Variants in RNF180 observed in about 807,000 individuals in gnomAD.
RNF180 encodes the protein E3 ubiquitin-protein ligase RNF180.
In RNF180, 38 loss-of-function variants were observed where a neutral mutation model predicts 59.2. The ratio of observed to expected loss-of-function variants is 0.64; its 90% CI spans 0.50 to 0.84. RNF180 has a LOEUF of 0.84. RNF180 is among the 40% of genes least tolerant of loss of function. The pLI, the probability that RNF180 is intolerant of heterozygous loss-of-function variation, is 0.00. For missense variants in RNF180, 705 were observed against 700.9 expected (o/e 1.01, Z -0.07); for synonymous variants, 262 against 240.3 (o/e 1.09, Z -0.84).
chr5:64,225,082 A>C (rs1422518558), intron 5 of RNF180, among the ~76,000 whole-genome samples: 1 of 152,198 alleles, frequency 6.6e-6, no homozygotes, highest in African/African-American at 2.4e-5. Context: ...GCTAAGTTTT[A>C]TGTAAAGCCA....
chr5:64,255,261 T>C (rs1010321714), intron 5 of RNF180, among the ~76,000 whole-genome samples: 4 of 152,168 alleles, frequency 2.6e-5, no homozygotes, highest in African/African-American at 9.7e-5. Flanking sequence ...CGTGCAGGTT[T>C]GTTGCATATG....
chr5:64,354,451 G>C (rs933758897), intron 7 of RNF180, among the ~76,000 whole-genome samples: 2 of 151,746 alleles, frequency 1.3e-5, no homozygotes, highest in Non-Finnish European at 2.9e-5. Flanking sequence ...GATTGAATCA[G>C]TAATCACAAA....
chr5:64,331,775 G>T (rs1014988096), intron 7 of RNF180, among the ~76,000 whole-genome samples: 3 of 152,088 alleles, frequency 2.0e-5, no homozygotes, highest in Non-Finnish European at 2.9e-5. Context: ...CCACATTGAC[G>T]GTGACAAGAC....
intron 5 of RNF180, among the ~76,000 whole-genome samples, chr5:64,317,594 TTA>T (rs149666790): frequency 9.9e-6 from 1 of 101,420 alleles, no homozygotes; most frequent in Non-Finnish European, 2.1e-5. Flanking sequence ...ATATACATAT[TTA>T]TACACACACA....
At chr5:64,328,336 A>G (rs528165000) in intron 6 of RNF180, among the ~76,000 whole-genome samples, 1 of 152,324 alleles carries the variant, frequency 6.6e-6, no homozygotes, top group East Asian at 1.9e-4. Flanking sequence ...CTTCATCAAT[A>G]TGAATGACAC....
At chr5:64,344,526 GAAAA>G (rs768866161) in intron 7 of RNF180, among the ~76,000 whole-genome samples, 3 of 113,136 alleles carry the variant, frequency 2.7e-5, no homozygotes, top group East Asian at 2.1e-4. Flanking sequence ...GGAACTGCTA[GAAAA>G]AAAAACACAC....
rs58046669 is a variant in RNF180 at position 64,177,526 on chromosome 5, C to CATATATATATAT, written c.-1+11602_-1+11613dup. ...TTTTTTTCAAAGGCATAAATTATGC[C>CATATATATATAT]ATATATATATATATATATATATATA... is the stretch of plus-strand genomic sequence containing the variant. On this transcript the variant is annotated intron_variant, in intron 1 of 7. Coordinates refer to ENST00000389100, the MANE Select transcript of RNF180 (RefSeq NM_001113561.2). Among the ~76,000 whole-genome samples the CATATATATATAT allele has an allele frequency of 2.1e-3, 222 of 105,150 alleles. 5 individuals carry two copies. The highest frequency in any genetic ancestry group is 5.2e-3 in the East Asian group (11 of 2,098). 69.0% of individuals were successfully genotyped at this position (105,150 alleles called of 152,430 possible).
rs114567738 is a variant in RNF180 at position 64,206,569 on chromosome 5, C to T, written c.136-5496C>T. On this transcript the variant is annotated intron_variant, in intron 2 of 7. Coordinates refer to ENST00000389100, the MANE Select transcript of RNF180 (RefSeq NM_001113561.2). ...TATTACATTTTTAATACTTTGTGTT[C>T]GCTCTTCTTAGTGATACCGTATATT... Among the ~76,000 whole-genome samples the T allele has an allele frequency of 3.8e-3, 574 of 152,182 alleles. 3 individuals are homozygous for T. Among genetic ancestry groups the T allele is most frequent in the African/African-American group, 0.013 (554 of 41,512 alleles).
At chr5:64,265,943 G>A (rs1009949041) in intron 5 of RNF180, among the ~76,000 whole-genome samples, 1 of 152,092 alleles carries the variant, frequency 6.6e-6, no homozygotes, top group Non-Finnish European at 1.5e-5. Flanking sequence ...CACGTCCCTT[G>A]TAAGTTGTAT....
intron 5 of RNF180, chr5:64,217,651 T>C (rs1752705709): frequency 2.4e-6 from 1 of 420,376 alleles, no homozygotes; most frequent in South Asian, 1.1e-4. Context: ...TTTAGTTAAG[T>C]GTCTTCAAAT....
intron 5 of RNF180, among the ~76,000 whole-genome samples, chr5:64,279,215 C>G (rs1056937020): frequency 1.3e-5 from 2 of 152,008 alleles, no homozygotes; most frequent in Admixed American, 1.3e-4. Context: ...AAGAGATTGG[C>G]CAACAATATT....
chr5:64,294,428 G>T (rs1185601469), intron 5 of RNF180, among the ~76,000 whole-genome samples: 1 of 151,518 alleles, frequency 6.6e-6, no homozygotes, highest in Non-Finnish European at 1.5e-5. Flanking sequence ...ATATCTGGGG[G>T]GTGGCAAATA....
chr5:64,346,255 T>A (rs182443485), intron 7 of RNF180, among the ~76,000 whole-genome samples: 20 of 150,896 alleles, frequency 1.3e-4, no homozygotes, highest in Non-Finnish European at 2.8e-4. Flanking sequence ...GGAAAAAAAA[T>A]ATTCATGACA....
chr5:64,285,963 C>G (rs1269330007), intron 5 of RNF180, among the ~76,000 whole-genome samples: 3 of 152,086 alleles, frequency 2.0e-5, no homozygotes, highest in Non-Finnish European at 4.4e-5. Context: ...CTCCTGCAGC[C>G]AGGAATCCAG....
intron 5 of RNF180, among the ~76,000 whole-genome samples, chr5:64,274,639 T>C (rs1321675101): frequency 6.6e-6 from 1 of 152,020 alleles, no homozygotes; most frequent in Admixed American, 6.6e-5. Context: ...CCAAGCTCCT[T>C]GAGAAGTGCT....
At chr5:64,293,736 G>T (rs1196997346) in intron 5 of RNF180, among the ~76,000 whole-genome samples, 1 of 151,980 alleles carries the variant, frequency 6.6e-6, no homozygotes, top group East Asian at 1.9e-4. Flanking sequence ...TACTTCCAGA[G>T]TTATGTACTT....
chr5:64,250,066 C>T (rs1743465023), intron 5 of RNF180, among the ~76,000 whole-genome samples: 1 of 152,078 alleles, frequency 6.6e-6, no homozygotes, highest in Non-Finnish European at 1.5e-5. Flanking sequence ...AATGTTAGGC[C>T]ACACAACAAG....
intron 5 of RNF180, among the ~76,000 whole-genome samples, chr5:64,224,611 A>G (rs1741558835): frequency 6.6e-6 from 1 of 152,162 alleles, no homozygotes; most frequent in East Asian, 1.9e-4. Context: ...TACATGAGCT[A>G]CTAGGTCACT....
Position 64,169,823 on chromosome 5 carries a change from G to A in RNF180, c.-1+3870G>A, listed in dbSNP as rs544207757. ...TTCAAAGAAGTCTTGTGCAGCTATA[G>A]CATTGCAGTAGAATCTTCTATAGAG... On this transcript the variant is annotated intron_variant, in intron 1 of 7. Transcript: ENST00000389100. Among the ~76,000 whole-genome samples the A allele has an allele frequency of 9.2e-5, 14 of 152,340 alleles. 2 individuals are homozygous for A. Among genetic ancestry groups the A allele is most frequent in the African/African-American group, 3.4e-4 (14 of 41,582 alleles).
Sources: gnomAD v4.1 joint callset for allele counts (sites outside exome capture counted in the v4.1 genomes callset) on GRCh38, gnomAD v4.1.1 for gene constraint, MANE v1.5 for transcripts, NCBI Gene and HGNC (gene_info 2026-07-23, HGNC 2026-07-21) for gene names.